CNTNAP2: variants seen among roughly 807,000 people sequenced by gnomAD.
CNTNAP2 encodes contactin-associated protein-like 2.
In CNTNAP2, 98 loss-of-function variants were observed where a neutral mutation model predicts 155.2. The ratio of observed to expected loss-of-function variants is 0.63; its 90% CI spans 0.54 to 0.75. The LOEUF (loss-of-function observed/expected upper bound fraction) is 0.75. CNTNAP2 is among the 30% of genes least tolerant of loss of function. The probability of loss-of-function intolerance (pLI) is 0.00; values close to 1 mark genes in which losing one functional copy is unlikely to be tolerated. For missense variants in CNTNAP2, 1,727 were observed against 1,688.1 expected (o/e 1.02, Z -0.40); for synonymous variants, 651 against 631.2 (o/e 1.03, Z -0.47).
intron 1 of CNTNAP2, among the ~76,000 whole-genome samples, chr7:146,357,257 C>T (rs952026768): frequency 2.2e-5 from 3 of 138,612 alleles, no homozygotes; most frequent in South Asian, 2.2e-4. Flanking sequence ...AAAAAGAGGT[C>T]GAAACAAAAT....
At chr7:148,066,143 G>A (rs968767797) in intron 15 of CNTNAP2, among the ~76,000 whole-genome samples, 3 of 152,184 alleles carry the variant, frequency 2.0e-5, no homozygotes, top group Non-Finnish European at 2.9e-5. Flanking sequence ...GGTTTCTGCC[G>A]AGAAATCTGC....
chr7:146,340,086 G>A (rs1801351215), intron 1 of CNTNAP2, among the ~76,000 whole-genome samples: 1 of 149,886 alleles, frequency 6.7e-6, no homozygotes, highest in Non-Finnish European at 1.5e-5. Flanking sequence ...GGAGAATGGC[G>A]TGAACCCGGG....
At chr7:146,707,580 A>C (rs1800988333) in intron 1 of CNTNAP2, among the ~76,000 whole-genome samples, 1 of 152,036 alleles carries the variant, frequency 6.6e-6, no homozygotes, top group South Asian at 2.1e-4. Flanking sequence ...CCACTGCCAG[A>C]GTCAGGTTGA....
intron 21 of CNTNAP2, among the ~76,000 whole-genome samples, chr7:148,316,057 A>T (rs1797681701): frequency 6.6e-6 from 1 of 152,110 alleles, no homozygotes. Context: ...ATTGTTAGGG[A>T]AGGAAAAAAA....
At chr7:146,443,247 A>AATAAATAG (rs1320329793) in intron 1 of CNTNAP2, among the ~76,000 whole-genome samples, 2 of 150,858 alleles carry the variant, frequency 1.3e-5, no homozygotes, top group African/African-American at 4.9e-5. Flanking sequence ...TAAATAAATA[A>AATAAATAG]ATAAATAAAT....
chr7:148,332,284 T>C (rs1798040953), intron 21 of CNTNAP2, among the ~76,000 whole-genome samples: 1 of 152,154 alleles, frequency 6.6e-6, no homozygotes, highest in Non-Finnish European at 1.5e-5. Flanking sequence ...ATTAAAGCCA[T>C]GTATGCTTTA....
At chr7:147,931,695 C>T (rs1800506997) in intron 14 of CNTNAP2, among the ~76,000 whole-genome samples, 1 of 151,922 alleles carries the variant, frequency 6.6e-6, no homozygotes. Context: ...AGGTGAAAGA[C>T]TTGTATGCTG....
chr7:148,119,591 C>T lies in CNTNAP2; in HGVS notation c.2554+1303C>T, dbSNP rs545659672. 2.0e-5 allele frequency among the ~76,000 whole-genome samples: 3 copies of T among 152,260 alleles called. No homozygotes were observed. The East Asian group carries it at 5.8e-4, about 29-fold the overall frequency. On this transcript the variant is annotated intron_variant, in intron 16 of 23. Transcript: ENST00000361727. The stretch of plus-strand genomic sequence containing the variant: ...TCCCCTTTAAATGAGTGCTTATGTT[C>T]CTGGGTCTGGTCTGAGAATGATCCC...
intron 1 of CNTNAP2, among the ~76,000 whole-genome samples, chr7:146,429,902 A>G (rs1365525631): frequency 6.6e-6 from 1 of 152,122 alleles, no homozygotes; most frequent in African/African-American, 2.4e-5. Context: ...TTCCTTCAAC[A>G]TCTAGTTTAT....
intron 11 of CNTNAP2, among the ~76,000 whole-genome samples, chr7:147,534,033 C>T (rs1025937805): frequency 4.6e-5 from 7 of 152,202 alleles, no homozygotes; most frequent in African/African-American, 1.7e-4. Flanking sequence ...CTTTAACTTT[C>T]TGGCTTTTAG....
intron 1 of CNTNAP2, among the ~76,000 whole-genome samples, chr7:146,576,953 T>G (rs1053624631): frequency 6.6e-6 from 1 of 152,150 alleles, no homozygotes; most frequent in Non-Finnish European, 1.5e-5. Context: ...ACATGATACA[T>G]CATTACAATC....
At chr7:146,427,637 T>C (rs1796111785) in intron 1 of CNTNAP2, among the ~76,000 whole-genome samples, 2 of 152,220 alleles carry the variant, frequency 1.3e-5, no homozygotes, top group South Asian at 4.1e-4. Context: ...TGTGATTGCT[T>C]TGCCTTGCTA....
intron 10 of CNTNAP2, among the ~76,000 whole-genome samples, chr7:147,465,699 T>A (rs1477200703): frequency 6.6e-6 from 1 of 152,212 alleles, no homozygotes; most frequent in Non-Finnish European, 1.5e-5. Flanking sequence ...TTCCAGTTTT[T>A]AAAATCTTGG....
intron 22 of CNTNAP2, among the ~76,000 whole-genome samples, chr7:148,401,467 T>C (rs1254476342): frequency 6.6e-6 from 1 of 152,236 alleles, no homozygotes; most frequent in African/African-American, 2.4e-5. Context: ...ACATTAGGAC[T>C]GGAACAATTT....
intron 21 of CNTNAP2, among the ~76,000 whole-genome samples, chr7:148,379,435 G>A (rs1339663801): frequency 1.3e-5 from 2 of 151,818 alleles, no homozygotes; most frequent in Admixed American, 1.3e-4. Flanking sequence ...TGGGCACAGT[G>A]GCTCATGCCT....
intron 12 of CNTNAP2, among the ~76,000 whole-genome samples, chr7:147,603,393 G>C (rs1287518537): frequency 6.6e-6 from 1 of 152,044 alleles, no homozygotes; most frequent in Non-Finnish European, 1.5e-5. Flanking sequence ...CAAAATCAAT[G>C]TACAAAAATC....
chr7:146,712,502 T>C (rs1027143536), intron 1 of CNTNAP2, among the ~76,000 whole-genome samples: 8 of 150,518 alleles, frequency 5.3e-5, no homozygotes, highest in East Asian at 2.0e-4. Flanking sequence ...TTTTTTTTTT[T>C]CCCTAAAGCA....
chr7:148,189,937 G>A (rs1237567493), intron 18 of CNTNAP2: 1 of 152,192 alleles, frequency 6.6e-6, no homozygotes, highest in Non-Finnish European at 1.5e-5. Context: ...AGTGTCTGGA[G>A]GGGCTTCTTT....
chr7:146,891,359 A>G (rs1323016648), intron 3 of CNTNAP2, among the ~76,000 whole-genome samples: 1 of 152,156 alleles, frequency 6.6e-6, no homozygotes, highest in Admixed American at 6.5e-5. Context: ...CACACAATAT[A>G]CCCATGCAAC....
Sources: allele counts gnomAD v4.1 joint callset (sites outside exome capture counted in the v4.1 genomes callset), GRCh38; gene constraint gnomAD v4.1.1; transcripts MANE v1.5; gene names NCBI Gene and HGNC (gene_info 2026-07-23, HGNC 2026-07-21).